The following SNX29 variants were observed in gnomAD, a reference collection of about 807,000 sequenced individuals.
SNX29 encodes the protein sorting nexin-29.
Under a neutral mutation model 102.1 loss-of-function variants are expected in SNX29, and 78 were observed. The ratio of observed to expected loss-of-function variants is 0.76; its 90% CI spans 0.64 to 0.92. SNX29 has a LOEUF of 0.92. SNX29 is among the 40% of genes least tolerant of loss of function. SNX29 has a pLI of 0.00. For missense variants in SNX29, 1,280 were observed against 1,061.7 expected (o/e 1.21, Z -2.86); for synonymous variants, 580 against 414.5 (o/e 1.40, Z -4.85).
chr16:12,028,579 G>A (rs1304381987), intron 4 of SNX29, among the ~76,000 whole-genome samples: 1 of 151,968 alleles, frequency 6.6e-6, no homozygotes, highest in Non-Finnish European at 1.5e-5. Flanking sequence ...GGCCAGGCTG[G>A]TCTCAAACTC....
chr16:12,042,486 C>T (rs1339969659), intron 4 of SNX29, among the ~76,000 whole-genome samples: 1 of 152,152 alleles, frequency 6.6e-6, no homozygotes, highest in East Asian at 1.9e-4. Flanking sequence ...TCCCTCTCTA[C>T]TCTCTCTAGC....
At chr16:12,467,375 C>T (rs911380109) in intron 18 of SNX29, among the ~76,000 whole-genome samples, 1 of 152,184 alleles carries the variant, frequency 6.6e-6, no homozygotes, top group African/African-American at 2.4e-5. Flanking sequence ...TCTCCTTTTC[C>T]TTTTCCAAAT....
At chr16:12,566,491 G>C (rs1335270689) in intron 20 of SNX29, among the ~76,000 whole-genome samples, 1 of 152,332 alleles carries the variant, frequency 6.6e-6, no homozygotes, top group East Asian at 1.9e-4. Flanking sequence ...GATGATGGTG[G>C]TTGCAGGCTA....
intron 19 of SNX29, among the ~76,000 whole-genome samples, chr16:12,513,747 C>T (rs1364042744): frequency 1.3e-5 from 2 of 152,206 alleles, no homozygotes; most frequent in African/African-American, 4.8e-5. Flanking sequence ...CCAAATTAAT[C>T]AGGGGAGGCC....
chr16:12,570,346 C>T lies in SNX29; in HGVS notation c.*1717C>T, dbSNP rs1272035346. 4 of 638,120 alleles carry T rather than the reference C, an allele frequency of 6.3e-6. No individual in the cohort carries two copies. The highest frequency in any genetic ancestry group is 5.9e-4 in the Middle Eastern group (1 of 1,696). 39.5% of individuals were successfully genotyped at this position (638,120 alleles called of 1,614,324 possible). On this transcript the variant is annotated 3_prime_UTR_variant, in exon 21 of 21. Coordinates refer to ENST00000566228, the MANE Select transcript of SNX29 (RefSeq NM_032167.5). ...GCAACTTGGTCTCCCTCCCACTCAC[C>T]TGCCAACATTGCTGCAATACACATG...
intron 13 of SNX29, among the ~76,000 whole-genome samples, chr16:12,189,968 A>G (rs1293858509): frequency 6.6e-6 from 1 of 152,104 alleles, no homozygotes; most frequent in Admixed American, 6.5e-5. Context: ...TTCTTGACGT[A>G]TTTGTTATTC....
chr16:12,047,546 T>A (rs2151199427), intron 6 of SNX29, among the ~76,000 whole-genome samples: 1 of 152,260 alleles, frequency 6.6e-6, no homozygotes, highest in African/African-American at 2.4e-5. Context: ...GTTTTGTGAG[T>A]GATTGCCTTT....
At chr16:12,232,355 CG>C (rs1332615503) in intron 14 of SNX29, among the ~76,000 whole-genome samples, 2 of 152,126 alleles carry the variant, frequency 1.3e-5, no homozygotes, top group African/African-American at 2.4e-5. Context: ...GGTGAAACCC[CG>C]TCTCTACTAA....
intron 15 of SNX29, among the ~76,000 whole-genome samples, chr16:12,327,035 T>C (rs2081141338): frequency 6.6e-6 from 1 of 152,214 alleles, no homozygotes. Flanking sequence ...GCTGGGTTGC[T>C]CTGTGAGAAT....
intron 20 of SNX29, among the ~76,000 whole-genome samples, chr16:12,565,400 C>CA (rs772886803): frequency 3.4e-4 from 52 of 151,806 alleles, no homozygotes; most frequent in Non-Finnish European, 5.0e-4. Flanking sequence ...GTCATCCACT[C>CA]AACTTGTCCC....
At position 12,574,098 on chromosome 16, in the gene SNX29, A is replaced by G. The variant is rs866160983; in HGVS notation, c.*5469A>G. On this transcript the variant is annotated 3_prime_UTR_variant, in exon 21 of 21. Transcript: ENST00000566228. ...GAAACGCCCTGAAACCTGTAGTATT[A>G]TCTTAACTACCCTCTTATGTTAAGG... The G allele has an allele frequency of 5.3e-6, 1 of 187,824 alleles. No individual in the cohort carries two copies. Among genetic ancestry groups the G allele is most frequent in the African/African-American group, 2.3e-5 (1 of 42,798 alleles). The allele number at this position is 187,824 out of a possible 1,614,324, so 11.6% of individuals were successfully genotyped here.
chr16:12,209,718 T>C (rs894094978), intron 14 of SNX29, among the ~76,000 whole-genome samples: 1 of 152,226 alleles, frequency 6.6e-6, no homozygotes, highest in Non-Finnish European at 1.5e-5. Flanking sequence ...AACTGTCTGC[T>C]GCTCAGCCCT....
At chr16:12,229,634 A>G (rs2077712895) in intron 14 of SNX29, among the ~76,000 whole-genome samples, 2 of 151,954 alleles carry the variant, frequency 1.3e-5, no homozygotes, top group Non-Finnish European at 2.9e-5. Context: ...ATGTTTAAAG[A>G]AAAATCAAGG....
rs141561500 is a variant in SNX29 at position 12,477,220 on chromosome 16, C to T, written c.2038-499C>T. Among the ~76,000 whole-genome samples, 919 of 152,272 alleles carry T rather than the reference C, an allele frequency of 6.0e-3. 2 individuals carry two copies. The highest frequency in any genetic ancestry group is 8.7e-3 in the Non-Finnish European group (593 of 68,016). ...AGTGGGGCAGATCTCAGCTCTTGCC[C>T]CCTCCCTTCTTTCTGAAACTGAATT... On this transcript the variant is annotated intron_variant, in intron 18 of 20. Coordinates refer to ENST00000566228, the MANE Select transcript of SNX29 (RefSeq NM_032167.5).
At chr16:11,991,916 C>T (rs1308668722) in intron 1 of SNX29, among the ~76,000 whole-genome samples, 3 of 152,062 alleles carry the variant, frequency 2.0e-5, no homozygotes, top group Non-Finnish European at 4.4e-5. Flanking sequence ...GTTGCCTTGT[C>T]TAGCCCTTGG....
chr16:12,455,946 A>G (rs2086519338), intron 18 of SNX29, among the ~76,000 whole-genome samples: 1 of 152,106 alleles, frequency 6.6e-6, no homozygotes, highest in Non-Finnish European at 1.5e-5. Flanking sequence ...GAGGGCTCCT[A>G]GGGGTTTCCA....
At chr16:12,173,167 C>T (rs372846504) in intron 13 of SNX29, among the ~76,000 whole-genome samples, 12 of 152,102 alleles carry the variant, frequency 7.9e-5, no homozygotes, top group African/African-American at 2.2e-4. Context: ...GAGTGACTGC[C>T]GGAGATAAAG....
intron 15 of SNX29, among the ~76,000 whole-genome samples, chr16:12,336,959 C>T (rs1032030332): frequency 1.3e-5 from 2 of 152,244 alleles, no homozygotes; most frequent in Non-Finnish European, 2.9e-5. Flanking sequence ...AACAAACAAA[C>T]AAACAAAAAA....
rs529038361 is a variant in SNX29, at chr16:12,231,533, A to T, written c.1678+31850A>T. Among the ~76,000 whole-genome samples the T allele has an allele frequency of 9.1e-3, 980 of 107,338 alleles. 12 individuals are homozygous for T. The highest frequency in any genetic ancestry group is 0.032 in the African/African-American group (930 of 28,798). The allele number at this position is 107,338 out of a possible 152,430, so 70.4% of individuals were successfully genotyped here. ...CAATTTCCAATTGTTGGGCCTTTTT[A>T]AAAAAAAAACAAAAAACAAAAAACA... On this transcript the variant is annotated intron_variant, in intron 14 of 20. Coordinates refer to ENST00000566228, the MANE Select transcript of SNX29 (RefSeq NM_032167.5).
Sources: gnomAD v4.1 joint callset for allele counts (sites outside exome capture counted in the v4.1 genomes callset) on GRCh38, gnomAD v4.1.1 for gene constraint, MANE v1.5 for transcripts, NCBI Gene and HGNC (gene_info 2026-07-23, HGNC 2026-07-21) for gene names.